DDX4: variants seen among roughly 807,000 people sequenced by gnomAD.
DDX4 encodes DEAD-box helicase 4.
A neutral mutation model predicts 100.0 loss-of-function variants in DDX4; 25 were observed. The observed-to-expected ratio is 0.25, with a 90% CI of 0.18 to 0.35. The LOEUF (loss-of-function observed/expected upper bound fraction) is 0.35. Ranked by LOEUF, DDX4 falls within the 10% of genes least tolerant of loss-of-function variation. DDX4 has a pLI of 1.00. For missense variants in DDX4, 635 were observed against 882.4 expected (o/e 0.72, Z 3.55); for synonymous variants, 259 against 275.7 (o/e 0.94, Z 0.60).
At chr5:55,785,676 T>A in intron 12 of DDX4, 53 bp from the exon 13 acceptor site, 2 of 1,505,416 alleles carry the variant, frequency 1.3e-6, no homozygotes, top group Admixed American at 3.9e-5. Context: ...TTTTCTCTTA[T>A]ATTTTCTTGT....
At chr5:55,738,701 TG>T (rs1758824661) in intron 1 of DDX4, among the ~76,000 whole-genome samples, 1 of 152,180 alleles carries the variant, frequency 6.6e-6, no homozygotes, top group South Asian at 2.1e-4. Context: ...TAAGTCTTGC[TG>T]GGGACATGGC....
At chr5:55,807,708 G>C (rs1743833329) in intron 18 of DDX4, among the ~76,000 whole-genome samples, 1 of 152,288 alleles carries the variant, frequency 6.6e-6, no homozygotes, top group East Asian at 1.9e-4. Context: ...AGTCTGATGG[G>C]CTTCCCTTTG....
At chr5:55,743,355 C>T (rs1446107231) in intron 2 of DDX4, among the ~76,000 whole-genome samples, 1 of 152,154 alleles carries the variant, frequency 6.6e-6, no homozygotes, top group Non-Finnish European at 1.5e-5. Context: ...GCAATTAGGA[C>T]TCATGCCGAT....
intron 18 of DDX4, among the ~76,000 whole-genome samples, chr5:55,812,826 T>C (rs1744193732): frequency 6.6e-6 from 1 of 151,812 alleles, no homozygotes; most frequent in East Asian, 1.9e-4. Flanking sequence ...TGCGTAATAT[T>C]TATTTGCCTC....
chr5:55,749,143 A>G (rs372449689), intron 3 of DDX4, among the ~76,000 whole-genome samples: 130 of 152,344 alleles, frequency 8.5e-4, no homozygotes, highest in African/African-American at 3.0e-3. Context: ...AATAGGAGGC[A>G]GGTGTAGTGG....
chr5:55,749,086 C>T (rs1027265577), intron 3 of DDX4, among the ~76,000 whole-genome samples: 1 of 152,070 alleles, frequency 6.6e-6, no homozygotes, highest in Non-Finnish European at 1.5e-5. Flanking sequence ...CTGATTATTT[C>T]CAAAATTAAG....
chr5:55,798,719 T>C (rs1255795518), intron 18 of DDX4, 148 bp downstream of exon 18: 6 of 629,142 alleles, frequency 9.5e-6, no homozygotes, highest in Non-Finnish European at 1.2e-5. Flanking sequence ...AAAAATTTTA[T>C]GATTCAGTTT....
intron 7 of DDX4, 24 bp from the exon 8 acceptor site, chr5:55,779,940 C>G: frequency 6.2e-7 from 1 of 1,606,044 alleles, no homozygotes; most frequent in Non-Finnish European, 8.5e-7. Context: ...TTGTGTTGTT[C>G]TTGTGTGTGT....
intron 2 of DDX4, among the ~76,000 whole-genome samples, chr5:55,741,172 A>G (rs777701003): frequency 1.3e-5 from 2 of 152,210 alleles, no homozygotes; most frequent in Non-Finnish European, 2.9e-5. Context: ...ACACTGCACT[A>G]TAGCGTGTTG....
At chr5:55,785,604 T>G (rs1742193993) in intron 12 of DDX4, 110 bp downstream of exon 12, 1 of 1,293,608 alleles carries the variant, frequency 7.7e-7, no homozygotes, top group Non-Finnish European at 1.1e-6. Context: ...AGTGAAAACT[T>G]TAAAGGTAAG....
At chr5:55,765,804 G>A (rs1218948550) in intron 6 of DDX4, among the ~76,000 whole-genome samples, 1 of 151,960 alleles carries the variant, frequency 6.6e-6, no homozygotes. Flanking sequence ...TACTTTATGT[G>A]TTGTTATTAT....
intron 18 of DDX4, among the ~76,000 whole-genome samples, chr5:55,805,062 G>A (rs1392449021): frequency 6.6e-6 from 1 of 151,910 alleles, no homozygotes; most frequent in Non-Finnish European, 1.5e-5. Context: ...TGGATTCCTA[G>A]GTATTTTATT....
At position 55,765,411 on chromosome 5, in the gene DDX4, A is replaced by ATAT. The variant is rs1285869924; in HGVS notation, c.334+1347_334+1348insTAT. Among the ~76,000 whole-genome samples, 757 of 99,826 alleles carry ATAT rather than the reference A, an allele frequency of 7.6e-3. 2 individuals carry two copies. The highest frequency in any genetic ancestry group is 0.015 in the Middle Eastern group (3 of 204). 65.5% of individuals were successfully genotyped at this position (99,826 alleles called of 152,430 possible). A position where few individuals can be genotyped will look rare whatever the true frequency, so the allele number is the denominator to read the frequency against. Reference sequence around the variant, plus strand: ...TAGTTCCCCTAAAAAAAAAAAAAAAAAAATATATATATATATATATATATA... The same window carrying ATAT: ...TAGTTCCCCTAAAAAAAAAAAAAAAATATAAATATATATATATATATATATATA... On this transcript the variant is annotated intron_variant, in intron 6 of 21. Transcript: ENST00000505374.
intron 12 of DDX4, 26 bp downstream of exon 12, chr5:55,785,520 A>T (rs1461852378): frequency 1.3e-6 from 2 of 1,529,950 alleles, no homozygotes; most frequent in South Asian, 2.4e-5. Context: ...TGTGACTCAC[A>T]TAGAAGTATG....
At chr5:55,759,472 A>G (rs3912147) in intron 3 of DDX4, among the ~76,000 whole-genome samples, 17,920 of 152,092 alleles carry the variant, frequency 0.12, 1,591 homozygotes, top group East Asian at 0.29. Context: ...AGAGAATCTC[A>G]TGTATATGAA....
intron 18 of DDX4, among the ~76,000 whole-genome samples, chr5:55,801,748 C>G (rs1743326080): frequency 1.3e-5 from 2 of 152,118 alleles, no homozygotes; most frequent in Non-Finnish European, 2.9e-5. Context: ...TTACTAAAGT[C>G]ACAAAATTAA....
At chr5:55,745,449 G>T (rs982682797) in intron 2 of DDX4, among the ~76,000 whole-genome samples, 10 of 151,476 alleles carry the variant, frequency 6.6e-5, no homozygotes, top group African/African-American at 2.2e-4. Context: ...TTTTTGAGAC[G>T]GTCTTATTCT....
chr5:55,780,911 A>G (rs1741873941), intron 8 of DDX4, among the ~76,000 whole-genome samples, 155 bp from the exon 9 acceptor site: 1 of 152,236 alleles, frequency 6.6e-6, no homozygotes. Flanking sequence ...TTAGTTTAAT[A>G]GAATAGTTTA....
intron 18 of DDX4, among the ~76,000 whole-genome samples, chr5:55,810,099 C>T (rs1255646463): frequency 6.6e-6 from 1 of 151,982 alleles, no homozygotes; most frequent in Non-Finnish European, 1.5e-5. Context: ...AGAAGTGCTT[C>T]ATATTTTTTT....
Sources: gnomAD v4.1 joint callset for allele counts (sites outside exome capture counted in the v4.1 genomes callset) on GRCh38, gnomAD v4.1.1 for gene constraint, MANE v1.5 for transcripts, NCBI Gene and HGNC (gene_info 2026-07-23, HGNC 2026-07-21) for gene names.